The following GAS2 variants were observed in gnomAD, a reference collection of about 807,000 sequenced individuals.
The protein encoded by GAS2 is growth arrest-specific protein 2.
GAS2 carries 20 observed loss-of-function variants against 37.5 expected under a neutral mutation model. The ratio of observed to expected loss-of-function variants is 0.53; its 90% CI spans 0.37 to 0.77. GAS2 has a LOEUF of 0.77. Among genes scored for constraint, GAS2 ranks in the 30% least tolerant of loss-of-function variants. The probability of loss-of-function intolerance (pLI) is 0.00; values close to 1 mark genes in which losing one functional copy is unlikely to be tolerated. For missense variants in GAS2, 336 were observed against 373.4 expected, an observed-to-expected ratio of 0.90 and a Z score of 0.82; for synonymous variants, 144 against 132.2, an observed-to-expected ratio of 1.09 and a Z score of -0.61.
In GAS2 at chr11:22,669,690, A is replaced by G. The variant is rs1849126583; in HGVS notation, c.-21+2791A>G. Among the ~76,000 whole-genome samples the G allele has an allele frequency of 2.0e-5, 3 of 152,338 alleles. No individual in the cohort carries two copies. In the South Asian group the frequency reaches 6.2e-4, roughly 32 times the overall value. On this transcript the variant is annotated intron_variant, in intron 1 of 7. Transcript: ENST00000454584. ...CCCTTATTAATTACGAGGAGTTTGAATATATCGTTATTGTAAGGTTCCTTT... is the reference window on the plus strand; with the variant it reads ...CCCTTATTAATTACGAGGAGTTTGAGTATATCGTTATTGTAAGGTTCCTTT...
chr11:22,631,165 G>C (rs1214932620), intron 1 of GAS2, among the ~76,000 whole-genome samples: 3 of 152,026 alleles, frequency 2.0e-5, no homozygotes, highest in Admixed American at 6.6e-5. Context: ...GTGTAAAGCA[G>C]TGTACATTGT....
At position 22,726,294 on chromosome 11, in the gene GAS2, T is replaced by C. The variant is rs35691300; in HGVS notation, c.270T>C (p.Asn90=). ...GAACGAATTTCTTTATTTTTCAGAA[T>C]CTACCGTTGAAGAAGATCCCATGCA... ...ESMDANKPTK[N]LPLKKIPCKT... The change falls in exon 4 of 8, where the codon AAT becomes AAC. Residue 90 remains asparagine, a splice_region_variant and synonymous_variant. Coordinates refer to ENST00000454584, the MANE Select transcript of GAS2 (RefSeq NM_001143830.3). The C allele has an allele frequency of 6.4e-4, 1,028 of 1,594,368 alleles. 6 individuals are homozygous for C. The African/African-American group carries it at 0.012, about 19-fold the overall frequency.
At chr11:22,697,000 A>C (rs1454363887) in intron 3 of GAS2, among the ~76,000 whole-genome samples, 1 of 150,864 alleles carries the variant, frequency 6.6e-6, no homozygotes, top group Admixed American at 6.6e-5. Context: ...TTGGTGTTTT[A>C]GACATGAAGT....
chr11:22,806,815 GGTTTGCT>G (rs1368362521), intron 7 of GAS2, among the ~76,000 whole-genome samples: 3 of 152,266 alleles, frequency 2.0e-5, no homozygotes, highest in Admixed American at 6.5e-5. Context: ...GAGGTTGTAA[GGTTTGCT>G]GTGGAAACCT....
intron 3 of GAS2, among the ~76,000 whole-genome samples, chr11:22,696,688 G>A (rs1391320920): frequency 6.6e-5 from 10 of 150,496 alleles, no homozygotes; most frequent in African/African-American, 2.2e-4. Flanking sequence ...TTTCTCTGAT[G>A]GCCAGTGATG....
chr11:22,697,895 G>A (rs1234194857), intron 3 of GAS2, among the ~76,000 whole-genome samples: 1 of 152,102 alleles, frequency 6.6e-6, no homozygotes, highest in Non-Finnish European at 1.5e-5. Flanking sequence ...TGCAAACAGG[G>A]ACAATTTGAC....
chr11:22,654,193 A>G (rs1260101535), intron 1 of GAS2, among the ~76,000 whole-genome samples: 1 of 152,166 alleles, frequency 6.6e-6, no homozygotes, highest in Admixed American at 6.5e-5. Context: ...GGGATGGTTT[A>G]TTTTACAACA....
At chr11:22,685,856 T>C (rs1849916859) in intron 3 of GAS2, 67 bp downstream of exon 3, 10 of 1,494,912 alleles carry the variant, frequency 6.7e-6, no homozygotes, top group Non-Finnish European at 8.1e-6. Context: ...TTATAAATTG[T>C]GTGTAATTAA....
At chr11:22,683,629 C>G (rs1327603945) in intron 2 of GAS2, among the ~76,000 whole-genome samples, 1 of 151,386 alleles carries the variant, frequency 6.6e-6, no homozygotes, top group Admixed American at 6.6e-5. Flanking sequence ...AAAAGATAAG[C>G]CTTGAGCATC....
At chr11:22,729,750 T>G (rs1852386575) in intron 4 of GAS2, among the ~76,000 whole-genome samples, 1 of 102,056 alleles carries the variant, frequency 9.8e-6, no homozygotes, top group African/African-American at 3.6e-5. Context: ...AAAATCTACC[T>G]TATTACTAAA....
chr11:22,754,405 A>C lies in GAS2; in HGVS notation c.616-1441A>C, dbSNP rs146403589. On this transcript the variant is annotated intron_variant, in intron 6 of 7. Coordinates refer to ENST00000454584, the MANE Select transcript of GAS2 (RefSeq NM_001143830.3). ...AATGAGATACAATATGCTATGATAA[A>C]AATAAGTGCCAAAAGCCATAGGTTT... Among the ~76,000 whole-genome samples, 384 of 152,204 alleles carry C rather than the reference A, an allele frequency of 2.5e-3. 1 individual carries two copies. Among genetic ancestry groups the C allele is most frequent in the African/African-American group, 8.7e-3 (360 of 41,568 alleles).
Position 22,749,107 on chromosome 11 carries a change from G to A in GAS2, c.474-13G>A, listed in dbSNP as rs781236010. On this transcript the variant is annotated splice_polypyrimidine_tract_variant and intron_variant, in intron 5 of 7. Transcript: ENST00000454584. ...AAGTTATGCATATGTAATGATCCAG[G>A]GTCTTTTTAAAGGTATGGTGTGGAG... 3 of 1,603,556 alleles carry A rather than the reference G, an allele frequency of 1.9e-6. No individual in the cohort carries two copies. The highest frequency in any genetic ancestry group is 2.2e-5 in the South Asian group (2 of 89,384).
At chr11:22,645,088 A>T (rs1177955670) in intron 1 of GAS2, among the ~76,000 whole-genome samples, 1 of 152,218 alleles carries the variant, frequency 6.6e-6, no homozygotes, top group Non-Finnish European at 1.5e-5. Context: ...CCATTCAAAG[A>T]TGTTTTGTAT....
At chr11:22,782,221 A>G (rs1398693152) in intron 7 of GAS2, among the ~76,000 whole-genome samples, 1 of 152,178 alleles carries the variant, frequency 6.6e-6, no homozygotes, top group Non-Finnish European at 1.5e-5. Context: ...AATAGTATTA[A>G]TTAGACAGAT....
intron 1 of GAS2, among the ~76,000 whole-genome samples, chr11:22,649,330 T>G (rs1207679731): frequency 6.6e-6 from 1 of 152,086 alleles, no homozygotes; most frequent in African/African-American, 2.4e-5. Context: ...AGTATTTTAT[T>G]GAGGATTTTT....
At chr11:22,799,003 A>G (rs1415470532) in intron 7 of GAS2, among the ~76,000 whole-genome samples, 2 of 152,238 alleles carry the variant, frequency 1.3e-5, no homozygotes, top group East Asian at 1.9e-4. Context: ...CTGCATTCTA[A>G]AAACAATATT....
intron 7 of GAS2, among the ~76,000 whole-genome samples, chr11:22,797,086 CTGG>C (rs1198868570): frequency 8.5e-5 from 13 of 152,056 alleles, no homozygotes; most frequent in Admixed American, 8.5e-4. Context: ...GTGCCATACA[CTGG>C]TAATTAGATG....
intron 3 of GAS2, 126 bp from the exon 4 acceptor site, chr11:22,726,166 G>T (rs972839678): frequency 2.3e-6 from 2 of 855,398 alleles, no homozygotes; most frequent in Admixed American, 5.7e-5. Flanking sequence ...TCCTTTCTAG[G>T]GTTCTTTGCA....
At chr11:22,804,534 G>A (rs2134663155) in intron 7 of GAS2, among the ~76,000 whole-genome samples, 1 of 152,234 alleles carries the variant, frequency 6.6e-6, no homozygotes, top group South Asian at 2.1e-4. Context: ...ACTGTAGGTT[G>A]TACCGTGATG....
Sources: gnomAD v4.1 joint callset for allele counts (sites outside exome capture counted in the v4.1 genomes callset) on GRCh38, gnomAD v4.1.1 for gene constraint, MANE v1.5 for transcripts, NCBI Gene and HGNC (gene_info 2026-07-23, HGNC 2026-07-21) for gene names.